The following CFAP47 variants were observed in gnomAD, a reference collection of about 807,000 sequenced individuals.
CFAP47 encodes cilia- and flagella-associated protein 47.
CFAP47 carries 29 observed loss-of-function variants against 148.1 expected under a neutral mutation model. The ratio of observed to expected loss-of-function variants is 0.20; its 90% CI spans 0.15 to 0.27. The LOEUF is 0.27. CFAP47 is among the 10% of genes least tolerant of loss of function. The pLI, the probability that CFAP47 is intolerant of heterozygous loss-of-function variation, is 1.00. For missense variants in CFAP47, 1,872 were observed against 1,697.5 expected (o/e 1.10, Z -1.81); for synonymous variants, 664 against 577.3 (o/e 1.15, Z -2.15).
At chrX:36,086,154 TGTC>T (rs1010065163) in intron 30 of CFAP47, among the ~76,000 whole-genome samples, 12 of 112,010 alleles carry the variant, frequency 1.1e-4, no homozygotes, top group Non-Finnish European at 1.3e-4. Context: ...GAAAAATAAT[TGTC>T]GTAATATCTG....
At chrX:36,205,960 A>G (rs1940034355) in intron 45 of CFAP47, among the ~76,000 whole-genome samples, 1 of 111,641 alleles carries the variant, frequency 9.0e-6, no homozygotes, top group African/African-American at 3.2e-5. Context: ...AAGGGTGATT[A>G]CAACTTATAA....
chrX:35,994,328 G>A (rs754940079), intron 18 of CFAP47, among the ~76,000 whole-genome samples: 3 of 111,845 alleles, frequency 2.7e-5, no homozygotes, highest in Non-Finnish European at 5.7e-5. Flanking sequence ...AATAAAATAT[G>A]TAAGACAGGT....
chrX:36,015,826 A>G (rs1937090159), intron 22 of CFAP47, among the ~76,000 whole-genome samples: 1 of 112,060 alleles, frequency 8.9e-6, no homozygotes, highest in Non-Finnish European at 1.9e-5. Flanking sequence ...GCATTGTTAA[A>G]GAAAATTGGA....
intron 39 of CFAP47, among the ~76,000 whole-genome samples, chrX:36,176,306 C>T (rs182529899): frequency 1.2e-4 from 13 of 112,467 alleles, no homozygotes; most frequent in Admixed American, 4.7e-4. Flanking sequence ...TGTTCCTATT[C>T]GGCCATCTTG....
intron 19 of CFAP47, among the ~76,000 whole-genome samples, chrX:35,999,109 A>G (rs932222328): frequency 8.9e-6 from 1 of 112,007 alleles, no homozygotes; most frequent in Non-Finnish European, 1.9e-5. Flanking sequence ...CACATATACA[A>G]TGCTCATTTG....
chrX:36,085,443 T>G lies in CFAP47; in HGVS notation c.4821T>G (p.Pro1607=), dbSNP rs1938065695. 1 of 1,202,741 alleles carries G rather than the reference T, an allele frequency of 8.3e-7. No individual in the cohort carries two copies. Among genetic ancestry groups the G allele is most frequent in the African/African-American group, 1.8e-5 (1 of 56,578 alleles). ...VLLHLSGKMP[P]GINSSQSLPV... The stretch of plus-strand genomic sequence containing the variant: ...TCCATTTGAGTGGAAAAATGCCACC[T>G]GGAATTAATTCAAGTCAATCTTTAC... Residue 1607 remains proline, a synonymous_variant, in exon 30 of 64, where the codon CCT becomes CCG. Transcript: ENST00000378653.
intron 57 of CFAP47, among the ~76,000 whole-genome samples, chrX:36,331,272 T>A (rs782774917): frequency 9.0e-6 from 1 of 111,603 alleles, no homozygotes; most frequent in Non-Finnish European, 1.9e-5. Context: ...TTTTTTCTAA[T>A]CTGTCATTGT....
Position 36,319,406 on chromosome X carries a change from A to T in CFAP47, c.8443+99A>T, listed in dbSNP as rs1031035886. 3 of 333,364 alleles carry T rather than the reference A, an allele frequency of 9.0e-6. No homozygotes were observed. The Admixed American group carries it at 2.0e-4, about 22-fold the overall frequency. The allele number at this position is 333,364 out of a possible 1,213,427, so 27.5% of individuals were successfully genotyped here. On this transcript the variant is annotated intron_variant, in intron 57 of 63. Coordinates refer to ENST00000378653, the MANE Select transcript of CFAP47 (RefSeq NM_001304548.2). ...TTGCCTTAGTAAATATTTAACACAAATTAAAAATATAATTTTAAAATTTTG... is the reference window on the plus strand; with the variant it reads ...TTGCCTTAGTAAATATTTAACACAATTTAAAAATATAATTTTAAAATTTTG...
chrX:36,197,987 TTTG>T (rs1370461164), intron 42 of CFAP47, among the ~76,000 whole-genome samples: 12 of 111,880 alleles, frequency 1.1e-4, no homozygotes, highest in African/African-American at 3.2e-4. Flanking sequence ...TTCTGTTTCA[TTTG>T]TTATCTAGAT....
At chrX:36,237,547 A>G (rs1555994985) in intron 48 of CFAP47, among the ~76,000 whole-genome samples, 3 of 111,207 alleles carry the variant, frequency 2.7e-5, no homozygotes, top group East Asian at 5.7e-4. Flanking sequence ...CCAGGCTGGT[A>G]TCAAACTCCT....
intron 35 of CFAP47, among the ~76,000 whole-genome samples, chrX:36,139,338 C>T (rs765827567): frequency 1.8e-5 from 2 of 111,152 alleles, no homozygotes; most frequent in Non-Finnish European, 3.8e-5. Flanking sequence ...AAGTGACATA[C>T]GTTAAGGAAA....
chrX:36,030,844 G>A (rs1039241404), intron 22 of CFAP47, among the ~76,000 whole-genome samples: 9 of 109,872 alleles, frequency 8.2e-5, no homozygotes, highest in Non-Finnish European at 1.5e-4. Context: ...TCTAGGAAAT[G>A]TTACATACTA....
intron 22 of CFAP47, among the ~76,000 whole-genome samples, chrX:36,020,271 G>C (rs1311565806): frequency 8.9e-6 from 1 of 112,053 alleles, no homozygotes; most frequent in African/African-American, 3.2e-5. Context: ...TCTTCGTTGA[G>C]AATGATCCAC....
At chrX:36,250,947 A>T (rs1940683717) in intron 48 of CFAP47, among the ~76,000 whole-genome samples, 1 of 110,997 alleles carries the variant, frequency 9.0e-6, no homozygotes, top group South Asian at 3.7e-4. Context: ...ATTAATATTG[A>T]TGTAGAAATT....
At position 35,941,354 on chromosome X, in the gene CFAP47, T is replaced by C; in HGVS notation, c.473T>C (p.Val158Ala). 4 of 1,161,193 alleles carry C rather than the reference T, an allele frequency of 3.4e-6. No individual in the cohort carries two copies. Among genetic ancestry groups the C allele is most frequent in the Non-Finnish European group, 4.6e-6 (4 of 867,036 alleles). Residue 158 changes from valine (V) to alanine (A), a missense_variant, in exon 3 of 64, where the codon GTA (valine) becomes GCA (alanine). Val to Ala is a moderately conservative substitution (Grantham distance 64). Transcript: ENST00000378653. ...GGCACACTGGTTGCCAATAGTAAAG[T>C]ATATTCTAAAGAGATTACTATCACT... ...NFGTLVANSK[V>A]YSKEITITNH...
intron 2 of CFAP47, among the ~76,000 whole-genome samples, chrX:35,930,264 C>G (rs1199389126): frequency 9.0e-6 from 1 of 111,158 alleles, no homozygotes; most frequent in Non-Finnish European, 1.9e-5. Context: ...CAGTCTTGCC[C>G]TTGTATACAT....
intron 29 of CFAP47, among the ~76,000 whole-genome samples, chrX:36,078,535 T>A (rs1601964436): frequency 9.1e-6 from 1 of 110,236 alleles, no homozygotes; most frequent in East Asian, 2.8e-4. Context: ...CCCCTACTTT[T>A]TTTTTGTTTT....
chrX:36,082,059 A>G (rs1375491450), intron 29 of CFAP47, among the ~76,000 whole-genome samples: 1 of 111,800 alleles, frequency 8.9e-6, no homozygotes, highest in Non-Finnish European at 1.9e-5. Flanking sequence ...TGATGTTATG[A>G]TTTTATGCTT....
intron 35 of CFAP47, chrX:36,144,426 G>A: frequency 1.4e-6 from 1 of 709,047 alleles, no homozygotes; most frequent in Non-Finnish European, 1.8e-6. Context: ...ATGTTTTAAA[G>A]TAATTCAATA....
Sources: allele counts gnomAD v4.1 joint callset (sites outside exome capture counted in the v4.1 genomes callset), GRCh38; gene constraint gnomAD v4.1.1; transcripts MANE v1.5; gene names NCBI Gene and HGNC (gene_info 2026-07-23, HGNC 2026-07-21).